TSPAN31: variants seen among roughly 807,000 people sequenced by gnomAD.
The protein encoded by TSPAN31 is tetraspanin-31.
In TSPAN31, 16 loss-of-function variants were observed where a neutral mutation model predicts 24.8. The ratio of observed to expected loss-of-function variants is 0.64; its 90% confidence interval spans 0.44 to 0.98. TSPAN31 has a LOEUF of 0.98. Ranked by LOEUF, TSPAN31 falls within the 50% of genes least tolerant of loss-of-function variation. TSPAN31 has a pLI of 0.00. For missense variants in TSPAN31, 209 were observed against 251.6 expected (o/e 0.83, Z 1.15); for synonymous variants, 87 against 91.4 (o/e 0.95, Z 0.27).
Position 57,747,407 on chromosome 12 carries a change from C to A in TSPAN31, c.*117C>A. The A allele has an allele frequency of 1.2e-6, 1 of 840,198 alleles. No individual in the cohort carries two copies. The highest frequency in any genetic ancestry group is 1.9e-6 in the Non-Finnish European group (1 of 538,020). The allele number at this position is 840,198 out of a possible 1,614,324, so 52.0% of individuals were successfully genotyped here. A position where few individuals can be genotyped will look rare whatever the true frequency, so the allele number is the denominator to read the frequency against. ...GAGAAAAAGGAAAGGCCCCTTGTCACATCCTCTAAAATTGATGGAATAGCA... is the reference window on the plus strand; with the variant it reads ...GAGAAAAAGGAAAGGCCCCTTGTCAAATCCTCTAAAATTGATGGAATAGCA... On this transcript the variant is annotated 3_prime_UTR_variant, in exon 6 of 6. Coordinates refer to ENST00000257910, the MANE Select transcript of TSPAN31 (RefSeq NM_005981.5).
At position 57,747,942 on chromosome 12, in the gene TSPAN31, A is replaced by G; in HGVS notation, c.*652A>G. On this transcript the variant is annotated 3_prime_UTR_variant, in exon 6 of 6. Transcript: ENST00000257910. ...TTTTTAGTAGAGACAGGGTTTCACC[A>G]TGTTAGTCAGGCTGGTCTCGAACTC... 1 of 194,624 alleles carries G rather than the reference A, an allele frequency of 5.1e-6. No individual in the cohort carries two copies. The highest frequency in any genetic ancestry group is 1.1e-5 in the Non-Finnish European group (1 of 93,020). The allele number at this position is 194,624 out of a possible 1,614,324, so 12.1% of individuals were successfully genotyped here. A position where few individuals can be genotyped will look rare whatever the true frequency, so the allele number is the denominator to read the frequency against.
Position 57,748,656 on chromosome 12 carries a change from A to G in TSPAN31, c.*1366A>G. 1 of 1,399,980 alleles carries G rather than the reference A, an allele frequency of 7.1e-7. No individual in the cohort carries two copies. The highest frequency in any genetic ancestry group is 1.0e-6 in the Non-Finnish European group (1 of 985,336). 86.7% of individuals were successfully genotyped at this position (1,399,980 alleles called of 1,614,324 possible). On this transcript the variant is annotated 3_prime_UTR_variant, in exon 6 of 6. Coordinates refer to ENST00000257910, the MANE Select transcript of TSPAN31 (RefSeq NM_005981.5). ...CAAAGGTCAGAAAACCATGAAGAAA[A>G]CAGACTTCTGCCCACCCACAACAAT... is the stretch of plus-strand genomic sequence containing the variant.
Position 57,750,091 on chromosome 12 carries a change from C to CTTACAATTTACCTCAAT in TSPAN31, c.*2802_*2803insTACAATTTACCTCAATT, listed in dbSNP as rs1277241142. On this transcript the variant is annotated 3_prime_UTR_variant, in exon 6 of 6. Transcript: ENST00000257910. Reference sequence around the variant, plus strand: ...ATTGCTTTAGCCCAGGAGGTAGAGGCTACAGTGAGCTGTAATTGGGCCACT... The same window carrying CTTACAATTTACCTCAAT: ...ATTGCTTTAGCCCAGGAGGTAGAGGCTTACAATTTACCTCAATTACAGTGAGCTGTAATTGGGCCACT... 5.9e-5 allele frequency: 9 copies of CTTACAATTTACCTCAAT among 153,586 alleles called. 1 individual carries two copies. The South Asian group carries it at 1.8e-3, about 31-fold the overall frequency. The allele number at this position is 153,586 out of a possible 1,614,324, so 9.5% of individuals were successfully genotyped here.
chr12:57,748,238 C>T lies in TSPAN31; in HGVS notation c.*948C>T. ...AGAAACATTAAAAAAAAAAAAAAGA[C>T]CATTATTTCTTTGTTTTGTTTTTCC... On this transcript the variant is annotated 3_prime_UTR_variant, in exon 6 of 6. Coordinates refer to ENST00000257910, the MANE Select transcript of TSPAN31 (RefSeq NM_005981.5). 1 of 355,254 alleles carries T rather than the reference C, an allele frequency of 2.8e-6. No individual in the cohort carries two copies. Among genetic ancestry groups the T allele is most frequent in the East Asian group, 4.7e-5 (1 of 21,214 alleles). The allele number at this position is 355,254 out of a possible 1,614,324, so 22.0% of individuals were successfully genotyped here.
Position 57,747,446 on chromosome 12 carries a change from T to C in TSPAN31, c.*156T>C, listed in dbSNP as rs1955170976. ...GATGGAATAGCAAGACTTTATGCCT[T>C]GACATATTTTAGTGGGAGCCAGACT... On this transcript the variant is annotated 3_prime_UTR_variant, in exon 6 of 6. Transcript: ENST00000257910. 3 of 642,050 alleles carry C rather than the reference T, an allele frequency of 4.7e-6. No individual in the cohort carries two copies. Among genetic ancestry groups the C allele is most frequent in the Non-Finnish European group, 8.0e-6 (3 of 376,494 alleles). 39.8% of individuals were successfully genotyped at this position (642,050 alleles called of 1,614,324 possible).
At position 57,747,106 on chromosome 12, in the gene TSPAN31, T is replaced by C. The variant is rs374838941; in HGVS notation, c.533T>C (p.Val178Ala). Residue 178 changes from valine to alanine, a missense_variant, in exon 5 of 6, where the codon GTT becomes GCT. Val to Ala is a moderately conservative substitution (Grantham distance 64, BLOSUM62 0). Transcript: ENST00000257910. Reference sequence around the variant, plus strand: ...GAAGCCCTGAAAATCCTAGGGGGTGTTGGACTCTTCTTTAGCTTTACAGAG... The same window carrying C: ...GAAGCCCTGAAAATCCTAGGGGGTGCTGGACTCTTCTTTAGCTTTACAGAG... ...SDEALKILGG[V>A]GLFFSFTEIL... The C allele has an allele frequency of 1.2e-6, 2 of 1,614,170 alleles. No individual in the cohort carries two copies. Among genetic ancestry groups the C allele is most frequent in the Non-Finnish European group, 1.7e-6 (2 of 1,179,994 alleles).
chr12:57,749,573 G>T lies in TSPAN31; in HGVS notation c.*2283G>T. The T allele has an allele frequency of 6.8e-7, 1 of 1,464,462 alleles. No homozygotes were observed. Among genetic ancestry groups the T allele is most frequent in the Non-Finnish European group, 9.6e-7 (1 of 1,046,162 alleles). The allele number at this position is 1,464,462 out of a possible 1,614,324, so 90.7% of individuals were successfully genotyped here. On this transcript the variant is annotated 3_prime_UTR_variant, in exon 6 of 6. Coordinates refer to ENST00000257910, the MANE Select transcript of TSPAN31 (RefSeq NM_005981.5). ...ATCTTAGTTGAATGGTTACTGCTTA[G>T]TGGCTCAAAATAGGAAGTATAGGGA...
Sources: allele counts gnomAD v4.1 joint callset, GRCh38; gene constraint gnomAD v4.1.1; transcripts MANE v1.5; gene names NCBI Gene and HGNC (gene_info 2026-07-23, HGNC 2026-07-21).